The following NUMB variants were observed in gnomAD, a reference collection of about 807,000 sequenced individuals.
NUMB encodes the protein protein numb homolog.
Under a neutral mutation model 59.7 loss-of-function variants are expected in NUMB, and 29 were observed. The observed-to-expected ratio is 0.49, with a 90% CI of 0.36 to 0.66. NUMB has a LOEUF of 0.66. Among genes scored for constraint, NUMB ranks in the 30% least tolerant of loss-of-function variants. The pLI is 0.00. For synonymous variants in NUMB, 288 were observed against 288.2 expected (o/e 1.00, Z 0.01); for missense variants, 723 against 822.0 (o/e 0.88, Z 1.47).
chr14:73,449,312 A>G (rs1416356306), intron 1 of NUMB, among the ~76,000 whole-genome samples: 1 of 152,140 alleles, frequency 6.6e-6, no homozygotes, highest in Non-Finnish European at 1.5e-5. Flanking sequence ...GGGTCCTGGA[A>G]TCAATCCCCC....
At chr14:73,390,278 T>C (rs1040183524) in intron 2 of NUMB, among the ~76,000 whole-genome samples, 5 of 152,204 alleles carry the variant, frequency 3.3e-5, no homozygotes, top group African/African-American at 1.2e-4. Flanking sequence ...TATTAAGTGC[T>C]AAGAGGAGCC....
chr14:73,299,623 A>C (rs11622973), intron 6 of NUMB, among the ~76,000 whole-genome samples: 120,611 of 151,148 alleles, frequency 0.8, 48,648 homozygotes, highest in African/African-American at 0.92. Flanking sequence ...TATGTCATAT[A>C]ATATGACATA....
At chr14:73,452,242 C>A (rs1040129167) in intron 1 of NUMB, among the ~76,000 whole-genome samples, 1 of 152,134 alleles carries the variant, frequency 6.6e-6, no homozygotes, top group Non-Finnish European at 1.5e-5. Context: ...CACCTGTAAT[C>A]CCAGCTACTA....
rs1893390587 is a variant in NUMB at position 73,352,471 on chromosome 14, CACACACATATATATATATATAT to C, written c.126+3133_126+3154del. Among the ~76,000 whole-genome samples the C allele has an allele frequency of 3.8e-4, 8 of 21,026 alleles. 1 individual carries two copies. The highest frequency in any genetic ancestry group is 1.4e-3 in the African/African-American group (8 of 5,918). The allele number at this position is 21,026 out of a possible 152,430, so 13.8% of individuals were successfully genotyped here. A position where few individuals can be genotyped will look rare whatever the true frequency, so the allele number is the denominator to read the frequency against. On this transcript the variant is annotated intron_variant, in intron 4 of 12. Transcript: ENST00000555238. The stretch of plus-strand genomic sequence containing the variant: ...ACACACACACACATACACACACACA[CACACACATATATATATATATAT>C]ATATATATATATATATATATATATA...
intron 6 of NUMB, among the ~76,000 whole-genome samples, chr14:73,303,107 A>G (rs1472539446): frequency 2.0e-5 from 3 of 151,940 alleles, no homozygotes; most frequent in Non-Finnish European, 2.9e-5. Flanking sequence ...AATCCCAGCT[A>G]CTTGGGAGGG....
chr14:73,395,037 TTGTGTG>T (rs3028731), intron 2 of NUMB, among the ~76,000 whole-genome samples: 5,574 of 119,794 alleles, frequency 0.047, 141 homozygotes, highest in Non-Finnish European at 0.053. Flanking sequence ...ATTCGTGTGT[TTGTGTG>T]TGTGTGTGTG....
intron 2 of NUMB, among the ~76,000 whole-genome samples, chr14:73,403,458 T>C (rs1896510084): frequency 6.6e-6 from 1 of 152,182 alleles, no homozygotes; most frequent in Non-Finnish European, 1.5e-5. Context: ...CTGACAAAAT[T>C]ACAATCTCCT....
intron 2 of NUMB, among the ~76,000 whole-genome samples, chr14:73,379,409 G>A (rs895660379): frequency 5.9e-5 from 9 of 152,124 alleles, no homozygotes; most frequent in African/African-American, 2.2e-4. Flanking sequence ...ATATAGCAGA[G>A]AATGAAACAA....
chr14:73,393,768 T>G (rs1036817413), intron 2 of NUMB, among the ~76,000 whole-genome samples: 1 of 152,184 alleles, frequency 6.6e-6, no homozygotes, highest in African/African-American at 2.4e-5. Flanking sequence ...ATAAAGCACT[T>G]TCATTTTATT....
intron 2 of NUMB, among the ~76,000 whole-genome samples, chr14:73,389,479 C>CCTGT: frequency 6.6e-6 from 1 of 151,836 alleles, no homozygotes; most frequent in Admixed American, 6.6e-5. Context: ...CGTGCCACCA[C>CCTGT]ACCCGGCTAA....
In NUMB at chr14:73,352,766, T is replaced by A. The variant is rs1893481695; in HGVS notation, c.126+2860A>T. On this transcript the variant is annotated intron_variant, in intron 4 of 12. Transcript: ENST00000555238. Reference sequence around the variant, plus strand: ...ACCGTGTTAGCCAGGATGGTCTCAATCTCCTGACCTCGTGATCTGCCCGCC... The same window carrying A: ...ACCGTGTTAGCCAGGATGGTCTCAAACTCCTGACCTCGTGATCTGCCCGCC... Among the ~76,000 whole-genome samples the A allele has an allele frequency of 2.0e-5, 3 of 147,784 alleles. No homozygotes were observed. In the Admixed American group the frequency reaches 2.0e-4, roughly 10 times the overall value.
At chr14:73,356,659 TAAAG>T (rs771965611) in intron 3 of NUMB, among the ~76,000 whole-genome samples, 42 of 151,820 alleles carry the variant, frequency 2.8e-4, no homozygotes, top group Non-Finnish European at 4.6e-4. Flanking sequence ...TAAGCACACT[TAAAG>T]AAAAAAAATG....
chr14:73,276,532 C>T lies in NUMB; in HGVS notation c.*46G>A, dbSNP rs1566720408. 1.3e-6 allele frequency: 2 copies of T among 1,493,232 alleles called. No homozygotes were observed. Among genetic ancestry groups the T allele is most frequent in the East Asian group, 2.3e-5 (1 of 44,096 alleles). The allele number at this position is 1,493,232 out of a possible 1,614,324, so 92.5% of individuals were successfully genotyped here. ...GTTTTGCTCCTTTGACCGCTACCCC[C>T]TGCTCCCTGTCTGGTATGGACAAGA... is the stretch of plus-strand genomic sequence containing the variant. On this transcript the variant is annotated 3_prime_UTR_variant, in exon 13 of 13. Coordinates refer to ENST00000555238, the MANE Select transcript of NUMB (RefSeq NM_001005743.2).
At position 73,278,740 on chromosome 14, in the gene NUMB, T is replaced by TC; in HGVS notation, c.1240+540_1240+541insG. Reference sequence around the variant, plus strand: ...TGGAATCTTTTTTTTTTTTTTTTTTTTTTTTGAGACAGAGTATTGCTCTGT... The same window carrying TC: ...TGGAATCTTTTTTTTTTTTTTTTTTTCTTTTTGAGACAGAGTATTGCTCTGT... On this transcript the variant is annotated intron_variant, in intron 12 of 12. Transcript: ENST00000555238. 1.5e-5 allele frequency among the ~76,000 whole-genome samples: 2 copies of TC among 130,944 alleles called. 1 individual carries two copies. The highest frequency in any genetic ancestry group is 5.4e-4 in the South Asian group (2 of 3,672). 85.9% of individuals were successfully genotyped at this position (130,944 alleles called of 152,430 possible).
chr14:73,299,592 A>G (rs1374886716), intron 6 of NUMB, among the ~76,000 whole-genome samples: 2 of 149,760 alleles, frequency 1.3e-5, no homozygotes, highest in South Asian at 2.1e-4. Context: ...ATGTCATGTC[A>G]TATATATGAT....
chr14:73,349,231 A>C (rs998125775), intron 4 of NUMB, among the ~76,000 whole-genome samples: 1 of 152,060 alleles, frequency 6.6e-6, no homozygotes, highest in Admixed American at 6.5e-5. Context: ...ACCTGAGGTC[A>C]GGCTGAGGTC....
At chr14:73,337,659 G>A (rs1892407642) in intron 4 of NUMB, among the ~76,000 whole-genome samples, 1 of 152,034 alleles carries the variant, frequency 6.6e-6, no homozygotes, top group African/African-American at 2.4e-5. Context: ...AATGAGGCAA[G>A]AAAAAGAAAT....
intron 6 of NUMB, among the ~76,000 whole-genome samples, chr14:73,308,111 A>G (rs1419458067): frequency 6.6e-6 from 1 of 152,134 alleles, no homozygotes; most frequent in Non-Finnish European, 1.5e-5. Flanking sequence ...AAGCAGGGGT[A>G]GTAGGATGCT....
intron 1 of NUMB, among the ~76,000 whole-genome samples, chr14:73,430,543 AG>A (rs1284131304): frequency 6.6e-6 from 1 of 152,098 alleles, no homozygotes; most frequent in Non-Finnish European, 1.5e-5. Context: ...CTGAGGTGGA[AG>A]GATCACTTGA....
Sources: allele counts gnomAD v4.1 joint callset (sites outside exome capture counted in the v4.1 genomes callset), GRCh38; gene constraint gnomAD v4.1.1; transcripts MANE v1.5; gene names NCBI Gene and HGNC (gene_info 2026-07-23, HGNC 2026-07-21).